SNX29: variants seen among roughly 807,000 people sequenced by gnomAD.
The protein encoded by SNX29 is sorting nexin 29, also known as sorting nexin-29.
In SNX29, 78 loss-of-function variants were observed where a neutral mutation model predicts 102.1. That is an observed-to-expected ratio of 0.76 (90% CI 0.64 to 0.92). SNX29 has a LOEUF of 0.92. Among genes scored for constraint, SNX29 ranks in the 40% least tolerant of loss-of-function variants. The pLI is 0.00. For missense variants in SNX29, 1,280 were observed against 1,061.7 expected (o/e 1.21, Z -2.86); for synonymous variants, 580 against 414.5 (o/e 1.40, Z -4.85).
rs1181120705 is a variant in SNX29 at position 12,228,533 on chromosome 16, T to C, written c.1678+28850T>C. ...GAGCTTTCTTTTAAAACTACAAATA[T>C]GCTCAAGATATTTTCCTGCTTAAAA... On this transcript the variant is annotated intron_variant, in intron 14 of 20. Coordinates refer to ENST00000566228, the MANE Select transcript of SNX29 (RefSeq NM_032167.5). Among the ~76,000 whole-genome samples, 6 of 152,352 alleles carry C rather than the reference T, an allele frequency of 3.9e-5. No individual in the cohort carries two copies. The East Asian group carries it at 1.2e-3, about 29-fold the overall frequency.
At chr16:12,184,073 A>T (rs143595735) in intron 13 of SNX29, among the ~76,000 whole-genome samples, 1 of 152,296 alleles carries the variant, frequency 6.6e-6, no homozygotes, top group African/African-American at 2.4e-5. Flanking sequence ...TACTTTCTTA[A>T]TAAACTTGAT....
At position 12,390,398 on chromosome 16, in the gene SNX29, C is replaced by G. The variant is rs1410573588; in HGVS notation, c.1900-8048C>G. 2.0e-5 allele frequency among the ~76,000 whole-genome samples: 3 copies of G among 152,122 alleles called. No homozygotes were observed. In the East Asian group the frequency reaches 5.8e-4, roughly 29 times the overall value. ...AGATGCCTCATCCATCCCTGTCCTC[C>G]GTGGACTTTTCACAGCCTTAACTGT... On this transcript the variant is annotated intron_variant, in intron 16 of 20. Coordinates refer to ENST00000566228, the MANE Select transcript of SNX29 (RefSeq NM_032167.5).
chr16:12,426,990 G>C (rs1031906430), intron 18 of SNX29, among the ~76,000 whole-genome samples: 2 of 152,206 alleles, frequency 1.3e-5, no homozygotes, highest in African/African-American at 2.4e-5. Context: ...TAATATGTCA[G>C]CTTGGAAAGC....
chr16:12,187,357 T>G (rs1007984060), intron 13 of SNX29, among the ~76,000 whole-genome samples: 4 of 152,074 alleles, frequency 2.6e-5, no homozygotes, highest in African/African-American at 9.7e-5. Flanking sequence ...GCCAGGAGTT[T>G]CAGTCTGGCC....
rs970466310 is a variant in SNX29 at position 12,569,674 on chromosome 16, CAG to C, written c.*1048_*1049del. 4 of 230,002 alleles carry C rather than the reference CAG, an allele frequency of 1.7e-5. No homozygotes were observed. Among genetic ancestry groups the C allele is most frequent in the African/African-American group, 6.6e-5 (3 of 45,138 alleles). 14.2% of individuals were successfully genotyped at this position (230,002 alleles called of 1,614,324 possible). On this transcript the variant is annotated 3_prime_UTR_variant, in exon 21 of 21. Transcript: ENST00000566228. The stretch of plus-strand genomic sequence containing the variant: ...TGTTCCTCCCATGTCAGGTGGCTCT[CAG>C]AGTACAGGGACCTTGGCAGGTGGAG...
At chr16:12,177,603 G>C (rs1486944318) in intron 13 of SNX29, among the ~76,000 whole-genome samples, 3 of 152,158 alleles carry the variant, frequency 2.0e-5, no homozygotes, top group African/African-American at 7.2e-5. Context: ...CTTAATTATT[G>C]TGAATTTTTT....
At chr16:12,538,352 A>G (rs1388439092) in intron 20 of SNX29, among the ~76,000 whole-genome samples, 1 of 152,084 alleles carries the variant, frequency 6.6e-6, no homozygotes, top group African/African-American at 2.4e-5. Flanking sequence ...GGTCTTCCAA[A>G]GTGCTGACAT....
chr16:12,173,494 C>T (rs1206820315), intron 13 of SNX29, among the ~76,000 whole-genome samples: 1 of 152,184 alleles, frequency 6.6e-6, no homozygotes, highest in Non-Finnish European at 1.5e-5. Flanking sequence ...GTTTTTGACC[C>T]CCTGACTTCA....
At chr16:12,316,372 G>A (rs373921601) in intron 15 of SNX29, among the ~76,000 whole-genome samples, 3 of 152,120 alleles carry the variant, frequency 2.0e-5, no homozygotes, top group Admixed American at 6.5e-5. Context: ...GGGAAACCCC[G>A]TCTCTATTAA....
chr16:12,515,353 A>C (rs1430085215), intron 19 of SNX29, among the ~76,000 whole-genome samples: 1 of 152,226 alleles, frequency 6.6e-6, no homozygotes, highest in Non-Finnish European at 1.5e-5. Context: ...AGGCCCCCAA[A>C]GAATGCATGC....
intron 14 of SNX29, among the ~76,000 whole-genome samples, chr16:12,242,686 C>T (rs962009915): frequency 6.7e-6 from 1 of 149,164 alleles, no homozygotes; most frequent in Non-Finnish European, 1.5e-5. Context: ...CAGGGTCTTA[C>T]TGTGTCACCC....
Position 12,572,717 on chromosome 16 carries a change from A to AT in SNX29, c.*4088_*4089insT. The AT allele has an allele frequency of 9.4e-7, 1 of 1,063,946 alleles. No individual in the cohort carries two copies. The highest frequency in any genetic ancestry group is 1.1e-6 in the Non-Finnish European group (1 of 878,452). The allele number at this position is 1,063,946 out of a possible 1,614,324, so 65.9% of individuals were successfully genotyped here. A position where few individuals can be genotyped will look rare whatever the true frequency, so the allele number is the denominator to read the frequency against. ...TCCAGCAGCATCTTCCAGCCTTGGC[A>AT]CAGAACTGATGGCAAAGGAAGGGCT... is the stretch of plus-strand genomic sequence containing the variant. On this transcript the variant is annotated 3_prime_UTR_variant, in exon 21 of 21. Transcript: ENST00000566228.
intron 18 of SNX29, among the ~76,000 whole-genome samples, chr16:12,441,864 C>G (rs551662490): frequency 6.6e-6 from 1 of 152,296 alleles, no homozygotes; most frequent in East Asian, 1.9e-4. Flanking sequence ...TCTCAGATCC[C>G]TGCAACCTCC....
chr16:12,461,968 AAAAAAAAAAAATAT>A (rs2151755471), intron 18 of SNX29, among the ~76,000 whole-genome samples: 1 of 68,528 alleles, frequency 1.5e-5, no homozygotes, highest in African/African-American at 7.5e-5. Context: ...AAAAAAAAAA[AAAAAAAAAAAATAT>A]ATATATATAT....
At chr16:11,983,674 A>G (rs1404173768) in intron 1 of SNX29, 1 of 985,194 alleles carries the variant, frequency 1.0e-6, no homozygotes, top group Non-Finnish European at 1.2e-6. Flanking sequence ...GGTCCTACTG[A>G]TGTTGGCTAT....
chr16:11,982,196 G>C (rs540186980), intron 1 of SNX29, among the ~76,000 whole-genome samples: 1 of 151,406 alleles, frequency 6.6e-6, no homozygotes, highest in Non-Finnish European at 1.5e-5. Flanking sequence ...ATGTGTGGGT[G>C]GTTATTGTAG....
At position 12,069,130 on chromosome 16, in the gene SNX29, C is replaced by T. The variant is rs373375033; in HGVS notation, c.1317C>T (p.Tyr439=). The change falls in exon 10 of 21, where the codon TAC becomes TAT. Residue 439 remains tyrosine, a splice_region_variant and synonymous_variant. Coordinates refer to ENST00000566228, the MANE Select transcript of SNX29 (RefSeq NM_032167.5). The part of the protein sequence containing the change: ...DHVLPDPGLR[Y]SVEASSPGHG... ...TTCTCCCAGATCCTGGACTTCGGTA[C>T]AGGTTAATATTGAGAAACCCAGTTG... is the stretch of plus-strand genomic sequence containing the variant. The T allele has an allele frequency of 1.1e-5, 18 of 1,612,868 alleles. No individual in the cohort carries two copies. The African/African-American group carries it at 1.9e-4, about 17-fold the overall frequency.
chr16:12,552,806 AG>A (rs1211556143), intron 20 of SNX29, among the ~76,000 whole-genome samples: 4 of 152,148 alleles, frequency 2.6e-5, no homozygotes, highest in African/African-American at 9.7e-5. Flanking sequence ...CCTGGAGGAG[AG>A]AACAGCCAAC....
At chr16:12,078,708 A>G (rs2051710034) in intron 10 of SNX29, 125 bp from the exon 11 acceptor site, 3 of 790,590 alleles carry the variant, frequency 3.8e-6, no homozygotes, top group Non-Finnish European at 6.5e-6. Context: ...ACTAATTTCC[A>G]ATGACTGCCT....
Sources: gnomAD v4.1 joint callset for allele counts (sites outside exome capture counted in the v4.1 genomes callset) on GRCh38, gnomAD v4.1.1 for gene constraint, MANE v1.5 for transcripts, NCBI Gene and HGNC (gene_info 2026-07-23, HGNC 2026-07-21) for gene names.